Variants in CREB3L2 observed in about 807,000 individuals in gnomAD.
The protein encoded by CREB3L2 is cAMP responsive element binding protein 3 like 2, also known as cyclic AMP-responsive element-binding protein 3-like protein 2.
A neutral mutation model predicts 57.2 loss-of-function variants in CREB3L2; 23 were observed. The observed-to-expected ratio is 0.40, with a 90% CI of 0.29 to 0.57. The LOEUF (loss-of-function observed/expected upper bound fraction) is 0.57. Among genes scored for constraint, CREB3L2 ranks in the 20% least tolerant of loss-of-function variants. The pLI, the probability that CREB3L2 is intolerant of heterozygous loss-of-function variation, is 0.42. For synonymous variants in CREB3L2, 268 were observed against 265.1 expected (o/e 1.01, Z -0.11); for missense variants, 628 against 634.7 (o/e 0.99, Z 0.11).
intron 2 of CREB3L2, among the ~76,000 whole-genome samples, chr7:137,924,515 G>A (rs531928135): frequency 1.3e-5 from 2 of 152,172 alleles, no homozygotes; most frequent in South Asian, 4.1e-4. Context: ...ATGTGGTGAG[G>A]TACAAGACTT....
rs958890812 is a variant in CREB3L2 at position 138,001,862 on chromosome 7, T to G, written c.-157A>C. 2.0e-6 allele frequency: 1 copy of G among 510,780 alleles called. No individual in the cohort carries two copies. Among genetic ancestry groups the G allele is most frequent in the Non-Finnish European group, 3.4e-6 (1 of 292,096 alleles). The allele number at this position is 510,780 out of a possible 1,614,324, so 31.6% of individuals were successfully genotyped here. A position where few individuals can be genotyped will look rare whatever the true frequency, so the allele number is the denominator to read the frequency against. On this transcript the variant is annotated 5_prime_UTR_variant, in exon 1 of 12. Transcript: ENST00000330387. The surrounding 1 kb of genome is among the most constrained non-coding windows in gnomAD (Gnocchi z 4.2). ...CTTGGAAAGCAAACGTCTGCTCCTCTGCCGGAGAGAGGATGGCCAAGCGCT... is the reference window on the plus strand; with the variant it reads ...CTTGGAAAGCAAACGTCTGCTCCTCGGCCGGAGAGAGGATGGCCAAGCGCT...
At chr7:137,881,214 A>C (rs1053875253) in intron 11 of CREB3L2, among the ~76,000 whole-genome samples, 6 of 152,194 alleles carry the variant, frequency 3.9e-5, no homozygotes, top group Non-Finnish European at 2.9e-5. Context: ...AAGTCTCTCT[A>C]TGACGGGAAT....
At position 137,878,906 on chromosome 7, in the gene CREB3L2, T is replaced by C. The variant is rs1799217720; in HGVS notation, c.*1570A>G. On this transcript the variant is annotated 3_prime_UTR_variant, in exon 12 of 12. Transcript: ENST00000330387. ...GGCTCCAATAACAATGCAGATGACG[T>C]GTGTGGGGGTGGGTGGTGGGGGGAG... is the stretch of plus-strand genomic sequence containing the variant. 1 of 374,732 alleles carries C rather than the reference T, an allele frequency of 2.7e-6. No homozygotes were observed. Among genetic ancestry groups the C allele is most frequent in the Non-Finnish European group, 4.9e-6 (1 of 203,184 alleles). The allele number at this position is 374,732 out of a possible 1,614,324, so 23.2% of individuals were successfully genotyped here.
At chr7:137,963,247 C>A (rs981982089) in intron 1 of CREB3L2, among the ~76,000 whole-genome samples, 1 of 152,224 alleles carries the variant, frequency 6.6e-6, no homozygotes, top group Non-Finnish European at 1.5e-5. Context: ...AATTTACCTG[C>A]TCTTCAGGAC....
At chr7:137,882,786 C>T (rs779966108) in intron 10 of CREB3L2, among the ~76,000 whole-genome samples, 158 bp from the exon 11 acceptor site, 4 of 152,182 alleles carry the variant, frequency 2.6e-5, no homozygotes, top group Non-Finnish European at 4.4e-5. Context: ...TCTATAAAGA[C>T]TTTAGAGCTT....
intron 10 of CREB3L2, among the ~76,000 whole-genome samples, chr7:137,883,515 GCCTTTTCCTA>G (rs1799343982): frequency 6.6e-6 from 1 of 152,166 alleles, no homozygotes; most frequent in East Asian, 1.9e-4. Context: ...GGGTTCATAT[GCCTTTTCCTA>G]TACATATGTA....
intron 1 of CREB3L2, among the ~76,000 whole-genome samples, chr7:137,979,396 A>G (rs1801671994): frequency 6.6e-6 from 1 of 152,216 alleles, no homozygotes; most frequent in African/African-American, 2.4e-5. Context: ...CAAAAAGCAC[A>G]GGCTGCAACT....
intron 5 of CREB3L2, among the ~76,000 whole-genome samples, 184 bp from the exon 6 acceptor site, chr7:137,906,032 C>A (rs1799886157): frequency 6.6e-6 from 1 of 152,102 alleles, no homozygotes; most frequent in Non-Finnish European, 1.5e-5. Context: ...GGGGAAGACA[C>A]CCCCATGTGA....
chr7:137,955,824 T>A (rs1801199465), intron 1 of CREB3L2, among the ~76,000 whole-genome samples: 1 of 152,164 alleles, frequency 6.6e-6, no homozygotes, highest in Non-Finnish European at 1.5e-5. Flanking sequence ...CTGCTCAAGG[T>A]CATCGCCAAG....
rs563799113 is a variant in CREB3L2, at chr7:137,876,519, C to T, written c.*3957G>A. ...TGAAACTGAAAAGTCTTAGGAGTAA[C>T]TGAATGAGTGAGTGAATGAACGAAA... On this transcript the variant is annotated 3_prime_UTR_variant, in exon 12 of 12. Transcript: ENST00000330387. 2.6e-4 allele frequency: 60 copies of T among 233,158 alleles called. No homozygotes were observed. The highest frequency in any genetic ancestry group is 9.0e-4 in the South Asian group (5 of 5,526). The allele number at this position is 233,158 out of a possible 1,614,324, so 14.4% of individuals were successfully genotyped here. A position where few individuals can be genotyped will look rare whatever the true frequency, so the allele number is the denominator to read the frequency against.
intron 1 of CREB3L2, among the ~76,000 whole-genome samples, chr7:137,963,816 T>C (rs1801363554): frequency 6.6e-6 from 1 of 152,248 alleles, no homozygotes; most frequent in South Asian, 2.1e-4. Context: ...AAAATAGTTA[T>C]TGCCTTTTTT....
At chr7:137,976,266 T>G (rs1422003171) in intron 1 of CREB3L2, among the ~76,000 whole-genome samples, 1 of 152,216 alleles carries the variant, frequency 6.6e-6, no homozygotes, top group Non-Finnish European at 1.5e-5. Flanking sequence ...TCTGCTTATT[T>G]AACACCCTTT....
chr7:137,927,964 G>A (rs1428764727), intron 2 of CREB3L2, among the ~76,000 whole-genome samples, 186 bp downstream of exon 2: 1 of 152,204 alleles, frequency 6.6e-6, no homozygotes, highest in Non-Finnish European at 1.5e-5. Flanking sequence ...AACCTGGGCA[G>A]TGTAGAGAAA....
chr7:137,922,437 CGT>C (rs375339888), intron 2 of CREB3L2, among the ~76,000 whole-genome samples: 62,633 of 98,876 alleles, frequency 0.63, 19,859 homozygotes, highest in East Asian at 0.84. Context: ...TATATATATA[CGT>C]ATATATATAT....
chr7:137,911,789 G>A (rs1226195741), intron 4 of CREB3L2, among the ~76,000 whole-genome samples: 1 of 152,208 alleles, frequency 6.6e-6, no homozygotes, highest in Non-Finnish European at 1.5e-5. Flanking sequence ...CATGAGCCAT[G>A]ATGGCACTAC....
chr7:137,960,475 A>G (rs910122373), intron 1 of CREB3L2, among the ~76,000 whole-genome samples: 2 of 152,204 alleles, frequency 1.3e-5, no homozygotes, highest in African/African-American at 4.8e-5. Flanking sequence ...GAAAACTCAA[A>G]TTCCGTCAAA....
At chr7:137,895,464 C>T (rs1585599871) in intron 8 of CREB3L2, among the ~76,000 whole-genome samples, 2 of 152,196 alleles carry the variant, frequency 1.3e-5, no homozygotes, top group East Asian at 3.9e-4. Flanking sequence ...TGTGAAGGTG[C>T]TTTCGCACCA....
intron 1 of CREB3L2, among the ~76,000 whole-genome samples, chr7:137,962,555 A>ATCT (rs1477126087): frequency 2.0e-5 from 3 of 151,856 alleles, no homozygotes; most frequent in South Asian, 4.2e-4. Context: ...ATCTGGGCTG[A>ATCT]TTGCACCTTC....
intron 1 of CREB3L2, among the ~76,000 whole-genome samples, chr7:137,971,264 C>G (rs1801500796): frequency 6.6e-6 from 1 of 152,094 alleles, no homozygotes; most frequent in African/African-American, 2.4e-5. Flanking sequence ...TCCTGGCTAA[C>G]ACGGTGAAAC....
Sources: gnomAD v4.1 joint callset for allele counts (sites outside exome capture counted in the v4.1 genomes callset) on GRCh38, gnomAD v4.1.1 for gene constraint, Gnocchi (gnomAD v3.1) non-coding constraint, MANE v1.5 for transcripts, NCBI Gene and HGNC (gene_info 2026-07-23, HGNC 2026-07-21) for gene names.